EBF1: variants seen among roughly 807,000 people sequenced by gnomAD.
The protein encoded by EBF1 is transcription factor COE1.
A neutral mutation model predicts 68.4 loss-of-function variants in EBF1; 10 were observed. The ratio of observed to expected loss-of-function variants is 0.15; its 90% CI spans 0.09 to 0.25. EBF1 has a LOEUF of 0.25. Ranked by LOEUF, EBF1 falls within the 10% of genes least tolerant of loss-of-function variation. The pLI is 1.00. For synonymous variants in EBF1, 298 were observed against 299.8 expected (o/e 0.99, Z 0.06); for missense variants, 509 against 794.4 (o/e 0.64, Z 4.32).
chr5:158,852,393 G>A (rs897205404), intron 6 of EBF1, among the ~76,000 whole-genome samples: 9 of 151,800 alleles, frequency 5.9e-5, no homozygotes, highest in South Asian at 2.1e-4. Context: ...GTCATCCCCC[G>A]GCCTCACACA....
chr5:158,770,109 C>T (rs1039499209), intron 10 of EBF1, among the ~76,000 whole-genome samples: 1 of 152,160 alleles, frequency 6.6e-6, no homozygotes, highest in South Asian at 2.1e-4. Flanking sequence ...ATTTTCATGG[C>T]CATTTTTTCA....
chr5:158,701,183 T>C (rs752541870), intron 15 of EBF1, among the ~76,000 whole-genome samples: 1 of 152,120 alleles, frequency 6.6e-6, no homozygotes, highest in Non-Finnish European at 1.5e-5. Flanking sequence ...CTACTTTCGC[T>C]TTCCACCAAA....
chr5:158,968,499 CTT>C (rs1462889465), intron 6 of EBF1, among the ~76,000 whole-genome samples: 1 of 152,186 alleles, frequency 6.6e-6, no homozygotes, highest in Admixed American at 6.5e-5. Flanking sequence ...CAGAATGTCT[CTT>C]GTTTTTCTGT....
At chr5:158,738,798 T>A (rs1765717282) in intron 10 of EBF1, among the ~76,000 whole-genome samples, 4 of 152,256 alleles carry the variant, frequency 2.6e-5, no homozygotes, top group Admixed American at 2.6e-4. Flanking sequence ...AACCTCAATT[T>A]GCCACACATT....
intron 7 of EBF1, 39 bp from the exon 8 acceptor site, chr5:158,823,356 T>TA (rs1362967775): frequency 6.3e-7 from 1 of 1,577,316 alleles, no homozygotes; most frequent in Admixed American, 1.8e-5. Context: ...CATTTTAATA[T>TA]AAAAGCGTGG....
chr5:159,051,861 C>A (rs906944471), intron 6 of EBF1, among the ~76,000 whole-genome samples: 4 of 152,110 alleles, frequency 2.6e-5, no homozygotes, highest in Admixed American at 6.5e-5. Context: ...GTCATCTCGG[C>A]CACCACCACC....
At chr5:158,788,709 TTC>T (rs769005197) in intron 9 of EBF1, among the ~76,000 whole-genome samples, 1 of 152,320 alleles carries the variant, frequency 6.6e-6, no homozygotes, top group Admixed American at 6.5e-5. Context: ...CAGGTGTGAA[TTC>T]TGTCATTGAT....
chr5:159,039,344 C>T (rs1169092676), intron 6 of EBF1, among the ~76,000 whole-genome samples: 1 of 152,190 alleles, frequency 6.6e-6, no homozygotes, highest in African/African-American at 2.4e-5. Context: ...TTCAACATTA[C>T]TTTCATACTT....
At chr5:158,715,261 A>T (rs1413184602) in intron 11 of EBF1, among the ~76,000 whole-genome samples, 1 of 152,242 alleles carries the variant, frequency 6.6e-6, no homozygotes, top group African/African-American at 2.4e-5. Flanking sequence ...AATATTTTAC[A>T]CAATAGATTT....
intron 10 of EBF1, among the ~76,000 whole-genome samples, chr5:158,750,459 G>A (rs964330047): frequency 6.6e-6 from 1 of 151,930 alleles, no homozygotes; most frequent in Non-Finnish European, 1.5e-5. Flanking sequence ...TATACATTTA[G>A]TACCAAAGGT....
chr5:158,762,740 T>C (rs1771756636), intron 10 of EBF1, among the ~76,000 whole-genome samples: 1 of 152,134 alleles, frequency 6.6e-6, no homozygotes, highest in South Asian at 2.1e-4. Flanking sequence ...TTTCACCATG[T>C]TAGCCAGGAT....
At chr5:159,095,702 G>A (rs901120929) in intron 3 of EBF1, 27 bp from the exon 4 acceptor site, 3 of 1,613,342 alleles carry the variant, frequency 1.9e-6, no homozygotes. Context: ...GGGAAGGGAG[G>A]AGAATTAAGT....
At chr5:159,005,141 A>G (rs1247746825) in intron 6 of EBF1, among the ~76,000 whole-genome samples, 1 of 152,186 alleles carries the variant, frequency 6.6e-6, no homozygotes, top group East Asian at 1.9e-4. Flanking sequence ...AACATCCCAC[A>G]AGGGAGGAAA....
In EBF1 at chr5:158,745,033, G is replaced by A. The variant is rs143932950; in HGVS notation, c.1037-13876C>T. Among the ~76,000 whole-genome samples the A allele has an allele frequency of 6.5e-3, 993 of 152,136 alleles. 10 individuals carry two copies. The highest frequency in any genetic ancestry group is 0.011 in the Non-Finnish European group (745 of 67,986). On this transcript the variant is annotated intron_variant, in intron 10 of 15. Coordinates refer to ENST00000313708, the MANE Select transcript of EBF1 (RefSeq NM_024007.5). ...ATTTGGACTTGTGCTCCGTCTCCTC[G>A]CCACAAAATATTGACAAAATATAGT...
intron 6 of EBF1, among the ~76,000 whole-genome samples, chr5:158,848,212 T>A (rs1260822449): frequency 1.3e-5 from 2 of 152,198 alleles, no homozygotes; most frequent in African/African-American, 4.8e-5. Context: ...TAGTAACAAG[T>A]GGAGCTGAGA....
At chr5:159,061,421 T>C (rs1341495838) in intron 6 of EBF1, among the ~76,000 whole-genome samples, 1 of 151,062 alleles carries the variant, frequency 6.6e-6, no homozygotes, top group Non-Finnish European at 1.5e-5. Context: ...AAGTCATTCC[T>C]GGAACTTCCA....
intron 8 of EBF1, among the ~76,000 whole-genome samples, chr5:158,808,484 G>A (rs1319462801): frequency 1.3e-5 from 2 of 152,112 alleles, no homozygotes; most frequent in African/African-American, 4.8e-5. Context: ...AGCCTCAGCA[G>A]CAGTTAAGAG....
intron 8 of EBF1, among the ~76,000 whole-genome samples, chr5:158,816,255 A>G (rs1296671844): frequency 2.0e-5 from 3 of 152,244 alleles, no homozygotes; most frequent in Non-Finnish European, 4.4e-5. Context: ...TCTTCTCAGC[A>G]TCCTGGGAAT....
intron 7 of EBF1, among the ~76,000 whole-genome samples, chr5:158,829,504 A>T (rs1176773960): frequency 6.6e-6 from 1 of 152,018 alleles, no homozygotes; most frequent in African/African-American, 2.4e-5. Context: ...ATGGATTTTA[A>T]TAACATATTA....
Sources: gnomAD v4.1 joint callset for allele counts (sites outside exome capture counted in the v4.1 genomes callset) on GRCh38, gnomAD v4.1.1 for gene constraint, MANE v1.5 for transcripts, NCBI Gene and HGNC (gene_info 2026-07-23, HGNC 2026-07-21) for gene names.